Variants in CACNA2D3 observed in about 807,000 individuals in gnomAD.
The protein encoded by CACNA2D3 is voltage-dependent calcium channel subunit alpha-2/delta-3.
A neutral mutation model predicts 160.6 loss-of-function variants in CACNA2D3; 60 were observed. The ratio of observed to expected loss-of-function variants is 0.37; its 90% CI spans 0.30 to 0.46. The LOEUF (loss-of-function observed/expected upper bound fraction) is 0.46. CACNA2D3 is among the 20% of genes least tolerant of loss of function. The pLI is 1.00. For synonymous variants in CACNA2D3, 558 were observed against 492.9 expected (o/e 1.13, Z -1.75); for missense variants, 1,205 against 1,365.0 (o/e 0.88, Z 1.85).
At chr3:54,967,051 A>G (rs1462207867) in intron 27 of CACNA2D3, 1 of 152,218 alleles carries the variant, frequency 6.6e-6, no homozygotes, top group East Asian at 1.9e-4. Context: ...GCAGAGCAGA[A>G]TGAGCCTGGG....
At chr3:54,595,851 T>A (rs1008946341) in intron 9 of CACNA2D3, among the ~76,000 whole-genome samples, 3 of 152,126 alleles carry the variant, frequency 2.0e-5, no homozygotes, top group Admixed American at 6.5e-5. Flanking sequence ...TTATACCTTA[T>A]CATAAATGTT....
chr3:54,879,548 G>C, intron 20 of CACNA2D3, 137 bp downstream of exon 20: 6 of 647,096 alleles, frequency 9.3e-6, no homozygotes, highest in Non-Finnish European at 1.6e-5. Context: ...GTGAGGAAGG[G>C]GCTTTTCCCA....
rs567825422 is a variant in CACNA2D3 at position 54,847,598 on chromosome 3, C to T, written c.1626+1131C>T. 2.0e-5 allele frequency among the ~76,000 whole-genome samples: 3 copies of T among 152,346 alleles called. No individual in the cohort carries two copies. In the South Asian group the frequency reaches 6.2e-4, roughly 32 times the overall value. ...CCTGGTATTAATGGAGTCATGACCA[C>T]ATCATGTGGATGCCATATGCATGCT... On this transcript the variant is annotated intron_variant, in intron 17 of 37. Transcript: ENST00000474759.
chr3:54,639,339 G>T (rs1559535431), intron 10 of CACNA2D3: 1 of 152,270 alleles, frequency 6.6e-6, no homozygotes, highest in Non-Finnish European at 1.5e-5. Flanking sequence ...ACCAAGGCAG[G>T]CATCCCTGCG....
chr3:54,862,247 T>C (rs1297564817), intron 17 of CACNA2D3, among the ~76,000 whole-genome samples: 1 of 152,192 alleles, frequency 6.6e-6, no homozygotes, highest in Non-Finnish European at 1.5e-5. Context: ...GAAATTTCTT[T>C]CATGGAAAAG....
intron 4 of CACNA2D3, among the ~76,000 whole-genome samples, chr3:54,503,089 A>G (rs971924705): frequency 4.6e-5 from 7 of 152,128 alleles, no homozygotes; most frequent in African/African-American, 1.4e-4. Flanking sequence ...TTATTTTTCC[A>G]TAGCAAGCAT....
chr3:55,058,396 G>T (rs1013654670), intron 35 of CACNA2D3, among the ~76,000 whole-genome samples: 1 of 152,166 alleles, frequency 6.6e-6, no homozygotes, highest in Non-Finnish European at 1.5e-5. Flanking sequence ...TGATGTTATA[G>T]AGAGATTCAG....
At chr3:55,000,791 G>A (rs867479119) in intron 31 of CACNA2D3, among the ~76,000 whole-genome samples, 1 of 152,198 alleles carries the variant, frequency 6.6e-6, no homozygotes. Context: ...AGCTTGGGTT[G>A]AAAGTTGATT....
intron 5 of CACNA2D3, among the ~76,000 whole-genome samples, chr3:54,555,703 T>G (rs953264346): frequency 3.9e-5 from 6 of 152,174 alleles, no homozygotes; most frequent in Non-Finnish European, 7.3e-5. Flanking sequence ...TAATTTCATG[T>G]CTCGGAAGGT....
chr3:54,722,350 G>T (rs1043852582), intron 11 of CACNA2D3, among the ~76,000 whole-genome samples: 16 of 152,164 alleles, frequency 1.1e-4, no homozygotes, highest in Non-Finnish European at 2.1e-4. Flanking sequence ...CATTGGGTTA[G>T]AACATGCTCC....
chr3:54,167,162 T>A (rs1051687949), intron 2 of CACNA2D3, among the ~76,000 whole-genome samples: 5 of 152,156 alleles, frequency 3.3e-5, no homozygotes, highest in Non-Finnish European at 5.9e-5. Flanking sequence ...AGTTATTGAG[T>A]TATTCTGTTG....
At position 54,822,825 on chromosome 3, in the gene CACNA2D3, T is replaced by C. The variant is rs904074968; in HGVS notation, c.1398+5955T>C. ...TTTCTTTCTTTCTTTCTTTCTTTCT[T>C]TCTTTCTTTTCTTTCTTTCTTTCTT... On this transcript the variant is annotated intron_variant, in intron 14 of 37. Transcript: ENST00000474759. Among the ~76,000 whole-genome samples the C allele has an allele frequency of 7.7e-3, 700 of 90,804 alleles. 5 individuals carry two copies. Among genetic ancestry groups the C allele is most frequent in the African/African-American group, 0.022 (421 of 19,116 alleles). 59.6% of individuals were successfully genotyped at this position (90,804 alleles called of 152,430 possible). A position where few individuals can be genotyped will look rare whatever the true frequency, so the allele number is the denominator to read the frequency against.
chr3:55,001,881 G>A (rs1012122447), intron 31 of CACNA2D3, among the ~76,000 whole-genome samples: 2 of 152,208 alleles, frequency 1.3e-5, no homozygotes, highest in Non-Finnish European at 2.9e-5. Context: ...CCTGGAGGCC[G>A]AGCGCGGTGG....
intron 2 of CACNA2D3, among the ~76,000 whole-genome samples, chr3:54,226,450 G>C (rs371239542): frequency 1.3e-5 from 2 of 151,476 alleles, no homozygotes; most frequent in East Asian, 3.9e-4. Flanking sequence ...CCACAGGCAT[G>C]TGCCACCACG....
intron 10 of CACNA2D3, chr3:54,639,078 A>T (rs183854731): frequency 6.8e-6 from 1 of 146,892 alleles, no homozygotes; most frequent in African/African-American, 2.7e-5. Context: ...GGGCGCAGAG[A>T]TAAGAGATTG....
intron 27 of CACNA2D3, among the ~76,000 whole-genome samples, chr3:54,946,664 G>T (rs201586916): frequency 2.0e-5 from 3 of 152,022 alleles, no homozygotes; most frequent in Admixed American, 6.6e-5. Context: ...GTGCAAACCT[G>T]GGGGGAGCTA....
Position 54,682,521 on chromosome 3 carries a change from G to A in CACNA2D3, c.1167+40280G>A, listed in dbSNP as rs140163023. On this transcript the variant is annotated intron_variant, in intron 11 of 37. Transcript: ENST00000474759. ...CAGGCCTATAATCTCAGCTACTTGG[G>A]AGGCTGAGGCACAAGAATCGCTTGA... Among the ~76,000 whole-genome samples the A allele has an allele frequency of 2.5e-3, 387 of 152,250 alleles. 2 individuals carry two copies. Among genetic ancestry groups the A allele is most frequent in the African/African-American group, 8.8e-3 (367 of 41,520 alleles).
chr3:54,493,138 C>A (rs1312189484), intron 4 of CACNA2D3, among the ~76,000 whole-genome samples: 1 of 125,126 alleles, frequency 8.0e-6, no homozygotes, highest in Non-Finnish European at 1.6e-5. Context: ...AGTACAGTGG[C>A]ACAATCTCGG....
At chr3:54,464,164 G>A (rs994389104) in intron 4 of CACNA2D3, among the ~76,000 whole-genome samples, 3 of 152,100 alleles carry the variant, frequency 2.0e-5, no homozygotes, top group African/African-American at 7.2e-5. Flanking sequence ...AGCCGTGTGA[G>A]GTGTCAGTCT....
Sources: allele counts gnomAD v4.1 joint callset (sites outside exome capture counted in the v4.1 genomes callset), GRCh38; gene constraint gnomAD v4.1.1; transcripts MANE v1.5; gene names NCBI Gene and HGNC (gene_info 2026-07-23, HGNC 2026-07-21).